MAB21L4: variants seen among roughly 807,000 people sequenced by gnomAD.
MAB21L4 encodes mab-21 like 4, also known as protein mab-21-like 4.
Under a neutral mutation model 32.4 loss-of-function variants are expected in MAB21L4, and 25 were observed. The ratio of observed to expected loss-of-function variants is 0.77; its 90% CI spans 0.56 to 1.08. The LOEUF (loss-of-function observed/expected upper bound fraction) is 1.08. Among genes scored for constraint, MAB21L4 ranks in the 50% least tolerant of loss-of-function variants. The probability of loss-of-function intolerance (pLI) is 0.00; values close to 1 mark genes in which losing one functional copy is unlikely to be tolerated. For synonymous variants in MAB21L4, 280 were observed against 276.8 expected (o/e 1.01, Z -0.11); for missense variants, 638 against 611.0 (o/e 1.04, Z -0.47).
At position 240,888,529 on chromosome 2, in the gene MAB21L4, G is replaced by A; in HGVS notation, c.1014C>T (p.Pro338=). ...LLCCLATRKL[P]HFLHPQRNLL... is the part of the protein sequence containing the mutation. The stretch of plus-strand genomic sequence containing the variant: ...GGTTGCGCTGCGGGTGGAGGAAGTG[G>A]GGCAGCTTCCGCGTGGCCAGGCAAC... Residue 338 remains proline, a synonymous_variant, in exon 4 of 5, where the codon CCC becomes CCT. Transcript: ENST00000388934. 1 of 1,608,194 alleles carries A rather than the reference G, an allele frequency of 6.2e-7. No homozygotes were observed. The highest frequency in any genetic ancestry group is 8.5e-7 in the Non-Finnish European group (1 of 1,179,318).
At chr2:240,893,197 A>G (rs888566194) in intron 1 of MAB21L4, among the ~76,000 whole-genome samples, 3 of 152,178 alleles carry the variant, frequency 2.0e-5, no homozygotes, top group African/African-American at 7.2e-5. Context: ...ATGAGCGAGC[A>G]TGGGGCCTGC....
chr2:240,895,808 C>T lies in MAB21L4; in HGVS notation c.190G>A (p.Gly64Ser), dbSNP rs556360296. ...AGGGCGAACTGGAAGGCCTCCAGGCCACGGGAGTAGTCCACGATGAAGCGG... is the reference window on the plus strand; with the variant it reads ...AGGGCGAACTGGAAGGCCTCCAGGCTACGGGAGTAGTCCACGATGAAGCGG... Reference protein sequence around the residue: ...DPRFIVDYSRGLEAFQFALRS... With the variant: ...DPRFIVDYSRSLEAFQFALRS... Residue 64 changes from glycine (G) to serine (S), a missense_variant, in exon 1 of 5, where the codon GGC becomes AGC. Coordinates refer to ENST00000388934, the MANE Select transcript of MAB21L4 (RefSeq NM_001085437.3). 5 of 1,601,204 alleles carry T rather than the reference C, an allele frequency of 3.1e-6. No homozygotes were observed. In the South Asian group the frequency reaches 4.5e-5, roughly 14 times the overall value.
In MAB21L4 at chr2:240,888,613, C is replaced by A; in HGVS notation, c.930G>T (p.Ala310=). Residue 310 remains alanine (A), a synonymous_variant, in exon 4 of 5, where the codon GCG becomes GCT. Transcript: ENST00000388934. ...VLLWASVLFL[A]PEDWAELQGA... is the part of the protein sequence containing the mutation. ...CCTGCAGTTCTGCCCAGTCCTCGGG[C>A]GCCAGGAAGAGCACAGAGGCCCACA... 1 of 1,597,960 alleles carries A rather than the reference C, an allele frequency of 6.3e-7. No individual in the cohort carries two copies.
chr2:240,889,797 C>G (rs1435095178), intron 3 of MAB21L4, among the ~76,000 whole-genome samples: 1 of 152,232 alleles, frequency 6.6e-6, no homozygotes, highest in South Asian at 2.1e-4. Context: ...GCCTGCGGCA[C>G]CACGGCACCC....
intron 4 of MAB21L4, 93 bp downstream of exon 4, chr2:240,888,199 C>T: frequency 9.5e-7 from 1 of 1,057,450 alleles, no homozygotes; most frequent in Non-Finnish European, 1.3e-6. Flanking sequence ...GGGCTGCTGA[C>T]CTGGGAGAGA....
chr2:240,892,113 G>A (rs2106440072), intron 1 of MAB21L4: 4 of 1,348,774 alleles, frequency 3.0e-6, no homozygotes, highest in Non-Finnish European at 3.9e-6. Flanking sequence ...CACGCCTGCT[G>A]TGCCTTCCCA....
chr2:240,894,999 C>T (rs961201814), intron 1 of MAB21L4, among the ~76,000 whole-genome samples: 29 of 152,220 alleles, frequency 1.9e-4, no homozygotes, highest in Non-Finnish European at 3.4e-4. Flanking sequence ...ACACACCCCT[C>T]CCACCTGGTG....
rs372728197 is a variant in MAB21L4 at position 240,895,523 on chromosome 2, C to T, written c.475G>A (p.Ala159Thr). The T allele has an allele frequency of 5.0e-6, 8 of 1,595,524 alleles. No individual in the cohort carries two copies. The highest frequency in any genetic ancestry group is 6.0e-6 in the Non-Finnish European group (7 of 1,169,628). ...CTGTGGTGCTTGCAGTGTACGATGGCTGCTACCAGCAGGTCCTTGAGGACA... is the reference window on the plus strand; with the variant it reads ...CTGTGGTGCTTGCAGTGTACGATGGTTGCTACCAGCAGGTCCTTGAGGACA... ...LCVLKDLLVAAIVHCKHHSLI... is the reference protein window; with the variant it reads ...LCVLKDLLVATIVHCKHHSLI... The change falls in exon 1 of 5, where the codon GCC (alanine) becomes ACC (threonine). Residue 159 changes from alanine (A) to threonine (T), a missense_variant. Physicochemically the swap from Ala to Thr is moderately conservative, Grantham distance 58. Coordinates refer to ENST00000388934, the MANE Select transcript of MAB21L4 (RefSeq NM_001085437.3).
At chr2:240,889,062 T>A (rs1303961223) in intron 3 of MAB21L4, among the ~76,000 whole-genome samples, 1 of 152,104 alleles carries the variant, frequency 6.6e-6, no homozygotes, top group African/African-American at 2.4e-5. Flanking sequence ...CTAGCCTGTG[T>A]GCTCATGACC....
rs779790613 is a variant in MAB21L4, at chr2:240,888,627, C to T, written c.916G>A (p.Val306Met). 1.3e-6 allele frequency: 2 copies of T among 1,585,204 alleles called. No homozygotes were observed. Among genetic ancestry groups the T allele is most frequent in the South Asian group, 2.3e-5 (2 of 87,578 alleles). ...HLKMVLLWAS[V>M]LFLAPEDWAE... ...CAGTCCTCGGGCGCCAGGAAGAGCACAGAGGCCCACAGCAGCACCATCTGC... is the reference window on the plus strand; with the variant it reads ...CAGTCCTCGGGCGCCAGGAAGAGCATAGAGGCCCACAGCAGCACCATCTGC... The change falls in exon 4 of 5, where the codon GTG becomes ATG. Residue 306 changes from valine (V) to methionine (M), a missense_variant. Val to Met is a conservative substitution (Grantham distance 21). Coordinates refer to ENST00000388934, the MANE Select transcript of MAB21L4 (RefSeq NM_001085437.3).
upstream of MAB21L4, chr2:240,896,279 C>T: frequency 1.6e-6 from 1 of 619,060 alleles, no homozygotes; most frequent in Non-Finnish European, 2.3e-6. Context: ...TTACCACCCT[C>T]CTCCCTCCCT....
In MAB21L4 at chr2:240,886,095, G is replaced by A. The variant is rs1000277078; in HGVS notation, c.*975C>T. On this transcript the variant is annotated 3_prime_UTR_variant, in exon 5 of 5. Transcript: ENST00000388934. Reference sequence around the variant, plus strand: ...GACTCACAGTCCCGCAGGCTATACAGGAAGCATGGCTGGGAGGCCTCAGGA... The same window carrying A: ...GACTCACAGTCCCGCAGGCTATACAAGAAGCATGGCTGGGAGGCCTCAGGA... 6.5e-6 allele frequency: 1 copy of A among 154,018 alleles called. No individual in the cohort carries two copies. The highest frequency in any genetic ancestry group is 2.4e-5 in the African/African-American group (1 of 41,474). 9.5% of individuals were successfully genotyped at this position (154,018 alleles called of 1,614,324 possible). A position where few individuals can be genotyped will look rare whatever the true frequency, so the allele number is the denominator to read the frequency against.
chr2:240,894,358 C>T (rs941072860), intron 1 of MAB21L4, among the ~76,000 whole-genome samples: 1 of 152,164 alleles, frequency 6.6e-6, no homozygotes, highest in African/African-American at 2.4e-5. Flanking sequence ...CCAGGACAAC[C>T]TGACCCCCTG....
At position 240,890,120 on chromosome 2, in the gene MAB21L4, TC is replaced by T; in HGVS notation, c.778del (p.Glu260SerfsTer33). The T allele has an allele frequency of 6.2e-7, 1 of 1,611,134 alleles. No homozygotes were observed. Among genetic ancestry groups the T allele is most frequent in the Non-Finnish European group, 8.5e-7 (1 of 1,178,424 alleles). ...TDYLLTRLLG[E>X]LGSLQGHRLD... ...GCGATGACCCTGCAGGGAGCCCAGC[TC>T]CCCCAGCAGCCTCGTGAGCAGGTAG... On this transcript the variant is annotated frameshift_variant, in exon 3 of 5. Coordinates refer to ENST00000388934, the MANE Select transcript of MAB21L4 (RefSeq NM_001085437.3). LOFTEE classifies it high-confidence loss of function.
rs1179972287 is a variant in MAB21L4 at position 240,889,905 on chromosome 2, G to C, written c.894+100C>G. 5.8e-6 allele frequency: 8 copies of C among 1,373,228 alleles called. No individual in the cohort carries two copies. The East Asian group carries it at 2.0e-4, about 34-fold the overall frequency. 85.1% of individuals were successfully genotyped at this position (1,373,228 alleles called of 1,614,324 possible). A position where few individuals can be genotyped will look rare whatever the true frequency, so the allele number is the denominator to read the frequency against. ...CCCCAACTCCGACTTGGGACTCATA[G>C]CAGCTGCCTGCCAGTCAGGGCTGGC... On this transcript the variant is annotated intron_variant, in intron 3 of 4. Transcript: ENST00000388934.
At position 240,886,917 on chromosome 2, in the gene MAB21L4, ACT is replaced by A; in HGVS notation, c.*151_*152del. 1 of 594,192 alleles carries A rather than the reference ACT, an allele frequency of 1.7e-6. No individual in the cohort carries two copies. Among genetic ancestry groups the A allele is most frequent in the Admixed American group, 3.0e-5 (1 of 33,544 alleles). 36.8% of individuals were successfully genotyped at this position (594,192 alleles called of 1,614,324 possible). On this transcript the variant is annotated 3_prime_UTR_variant, in exon 5 of 5. Coordinates refer to ENST00000388934, the MANE Select transcript of MAB21L4 (RefSeq NM_001085437.3). ...GCCCTGCCCCACCAGGCACTGAAAG[ACT>A]CTCAGAGGCCACTGCTGGGGACAAA...
intron 4 of MAB21L4, 28 bp from the exon 5 acceptor site, chr2:240,887,190 GT>G: frequency 6.3e-7 from 1 of 1,581,810 alleles, no homozygotes; most frequent in Non-Finnish European, 8.7e-7. Context: ...GGGGAGAAGG[GT>G]TACAGGGACC....
chr2:240,890,095 G>A lies in MAB21L4; in HGVS notation c.804C>T (p.Arg268=), dbSNP rs780521305. 5 of 1,613,200 alleles carry A rather than the reference G, an allele frequency of 3.1e-6. No individual in the cohort carries two copies. Among genetic ancestry groups the A allele is most frequent in the Non-Finnish European group, 4.2e-6 (5 of 1,179,700 alleles). The change falls in exon 3 of 5, where the codon CGC becomes CGT. Residue 268 remains arginine, a synonymous_variant. Transcript: ENST00000388934. ...LGELGSLQGH[R]LDSLSILDRV... ...GGTCGAGGATGGAGAGGCTGTCCAG[G>A]CGATGACCCTGCAGGGAGCCCAGCT...
At chr2:240,889,964 G>C (rs757318246) in intron 3 of MAB21L4, 41 bp downstream of exon 3, 1 of 1,577,164 alleles carries the variant, frequency 6.3e-7, no homozygotes. Context: ...CTACCCCTGG[G>C]CCCTGGTGAC....
Sources: allele counts gnomAD v4.1 joint callset (sites outside exome capture counted in the v4.1 genomes callset), GRCh38; gene constraint gnomAD v4.1.1; transcripts MANE v1.5; gene names NCBI Gene and HGNC (gene_info 2026-07-23, HGNC 2026-07-21).